SGCE: variants seen among roughly 807,000 people sequenced by gnomAD.
SGCE encodes epsilon-sarcoglycan.
A neutral mutation model predicts 57.8 loss-of-function variants in SGCE; 26 were observed. That is an observed-to-expected ratio of 0.45 (90% confidence interval 0.33 to 0.62). SGCE has a LOEUF of 0.62. Among genes scored for constraint, SGCE ranks in the 20% least tolerant of loss-of-function variants. SGCE has a pLI of 0.02. For missense variants in SGCE, 468 were observed against 548.6 expected (o/e 0.85, Z 1.47); for synonymous variants, 183 against 189.5 (o/e 0.97, Z 0.28).
intron 4 of SGCE, chr7:94,619,702 G>A (rs1802481835): frequency 6.6e-6 from 1 of 152,140 alleles, no homozygotes; most frequent in Non-Finnish European, 1.5e-5. Flanking sequence ...TTAAATGTAT[G>A]TACTGTGAGG....
chr7:94,644,228 A>T (rs1806765799), intron 1 of SGCE, among the ~76,000 whole-genome samples: 1 of 152,222 alleles, frequency 6.6e-6, no homozygotes, highest in African/African-American at 2.4e-5. Context: ...CTTCTAAATC[A>T]TCAAAGCCTA....
intron 8 of SGCE, chr7:94,599,261 G>T: frequency 3.3e-6 from 1 of 303,092 alleles, no homozygotes; most frequent in Admixed American, 4.6e-5. Context: ...TATTTTCTAT[G>T]ATTTAAGATA....
chr7:94,629,616 T>C (rs932062820), intron 2 of SGCE, 103 bp downstream of exon 2: 5 of 1,065,134 alleles, frequency 4.7e-6, no homozygotes, highest in Non-Finnish European at 7.2e-6. Context: ...TTTAGACCAT[T>C]TGAAATAATG....
chr7:94,601,755 A>T (rs2116707024), intron 6 of SGCE, among the ~76,000 whole-genome samples: 1 of 152,250 alleles, frequency 6.6e-6, no homozygotes, highest in African/African-American at 2.4e-5. Context: ...CCTCCTTTTT[A>T]AAAATGAGAA....
chr7:94,603,880 T>C (rs1451293228), intron 5 of SGCE, among the ~76,000 whole-genome samples: 1 of 152,120 alleles, frequency 6.6e-6, no homozygotes, highest in African/African-American at 2.4e-5. Flanking sequence ...TTTCACTTAA[T>C]TTTCTTGTAA....
At chr7:94,623,870 G>A (rs1405228136) in intron 3 of SGCE, 1 of 355,160 alleles carries the variant, frequency 2.8e-6, no homozygotes, top group Non-Finnish European at 5.0e-6. Context: ...GTCAAAAAAT[G>A]TCATAAATAA....
chr7:94,647,096 G>A (rs1270142612), intron 1 of SGCE, among the ~76,000 whole-genome samples: 1 of 152,124 alleles, frequency 6.6e-6, no homozygotes, highest in Non-Finnish European at 1.5e-5. Flanking sequence ...ATGTTTACAT[G>A]ATAGCACATT....
intron 5 of SGCE, among the ~76,000 whole-genome samples, chr7:94,606,109 G>A (rs148972593): frequency 0.013 from 1,916 of 152,212 alleles, 44 homozygotes; most frequent in African/African-American, 0.044. Context: ...GATTACAGGC[G>A]TGAGCTACCA....
intron 1 of SGCE, among the ~76,000 whole-genome samples, chr7:94,632,509 A>C (rs1804865365): frequency 6.6e-6 from 1 of 152,016 alleles, no homozygotes; most frequent in Non-Finnish European, 1.5e-5. Context: ...TACCTTGGCA[A>C]CTCCACAGTA....
chr7:94,629,069 A>G (rs1454296993), intron 2 of SGCE: 2 of 152,298 alleles, frequency 1.3e-5, no homozygotes, highest in African/African-American at 4.8e-5. Flanking sequence ...AAACATTCTT[A>G]TACAATATAA....
At chr7:94,648,538 C>T (rs1245958809) in intron 1 of SGCE, among the ~76,000 whole-genome samples, 2 of 152,172 alleles carry the variant, frequency 1.3e-5, no homozygotes, top group Admixed American at 6.5e-5. Flanking sequence ...AGCAGTAAAA[C>T]GGTTAGATGA....
At chr7:94,631,002 A>G (rs1319478385) in intron 1 of SGCE, among the ~76,000 whole-genome samples, 1 of 152,008 alleles carries the variant, frequency 6.6e-6, no homozygotes, top group Non-Finnish European at 1.5e-5. Flanking sequence ...GGGGGAACTG[A>G]GCTAAAATAT....
At chr7:94,588,992 T>C (rs536944698) in intron 9 of SGCE, 9 of 476,074 alleles carry the variant, frequency 1.9e-5, no homozygotes, top group Non-Finnish European at 3.1e-5. Flanking sequence ...CCCTAAGAGG[T>C]AGGTGTTAAT....
At chr7:94,593,975 T>G (rs1323773572) in intron 9 of SGCE, among the ~76,000 whole-genome samples, 1 of 152,026 alleles carries the variant, frequency 6.6e-6, no homozygotes, top group Non-Finnish European at 1.5e-5. Flanking sequence ...GACTCCAAAT[T>G]CCCATACTCA....
At chr7:94,632,483 A>G (rs1343277198) in intron 1 of SGCE, among the ~76,000 whole-genome samples, 3 of 152,116 alleles carry the variant, frequency 2.0e-5, no homozygotes, top group Non-Finnish European at 2.9e-5. Context: ...GCTGAACTGC[A>G]TACTTGCTGG....
chr7:94,637,657 C>G (rs541285298), intron 1 of SGCE, among the ~76,000 whole-genome samples: 1 of 152,246 alleles, frequency 6.6e-6, no homozygotes, highest in South Asian at 2.1e-4. Flanking sequence ...ATAGATGACT[C>G]TGCTGAGTGC....
intron 7 of SGCE, chr7:94,600,338 G>T: frequency 3.0e-6 from 1 of 336,022 alleles, no homozygotes. Flanking sequence ...TGCAGTCTCT[G>T]CTCATGCAAG....
At chr7:94,634,093 G>A (rs907890382) in intron 1 of SGCE, among the ~76,000 whole-genome samples, 2 of 152,050 alleles carry the variant, frequency 1.3e-5, no homozygotes, top group African/African-American at 4.8e-5. Context: ...TTTATGTCCG[G>A]GTGACTTTGA....
intron 3 of SGCE, chr7:94,625,139 CAG>C (rs1398533616): frequency 4.0e-5 from 6 of 151,874 alleles, no homozygotes; most frequent in Non-Finnish European, 8.8e-5. Context: ...ATTTCTAAAA[CAG>C]AGCTGATCTA....
Sources: allele counts gnomAD v4.1 joint callset (sites outside exome capture counted in the v4.1 genomes callset), GRCh38; gene constraint gnomAD v4.1.1; transcripts MANE v1.5; gene names NCBI Gene and HGNC (gene_info 2026-07-23, HGNC 2026-07-21).